The following WHAMM variants were observed in gnomAD, a reference collection of about 807,000 sequenced individuals.
WHAMM encodes the protein WASP homolog-associated protein with actin, membranes and microtubules.
A neutral mutation model predicts 76.5 loss-of-function variants in WHAMM; 67 were observed. The observed-to-expected ratio is 0.88, with a 90% CI of 0.72 to 1.07. WHAMM has a LOEUF of 1.07. Among genes scored for constraint, WHAMM ranks in the 50% least tolerant of loss-of-function variants. The probability of loss-of-function intolerance (pLI) is 0.00; values close to 1 mark genes in which losing one functional copy is unlikely to be tolerated. For missense variants in WHAMM, 1,021 were observed against 1,051.1 expected (o/e 0.97, Z 0.40); for synonymous variants, 419 against 422.1 (o/e 0.99, Z 0.09).
In WHAMM at chr15:82,833,773, T is replaced by G. The variant is rs2051080897; in HGVS notation, c.*237T>G. The G allele has an allele frequency of 2.0e-6, 1 of 499,358 alleles. No homozygotes were observed. The highest frequency in any genetic ancestry group is 3.4e-5 in the Admixed American group (1 of 29,064). 30.9% of individuals were successfully genotyped at this position (499,358 alleles called of 1,614,324 possible). On this transcript the variant is annotated 3_prime_UTR_variant, in exon 10 of 10. Transcript: ENST00000286760. ...GGCGCCATCTCGGCTCACCGCAAGC[T>G]CCGCTTCCCAGGCTGGGGTGCAGTG...
At chr15:82,823,742 A>G (rs1369589343) in intron 6 of WHAMM, among the ~76,000 whole-genome samples, 2 of 151,964 alleles carry the variant, frequency 1.3e-5, no homozygotes, top group African/African-American at 2.4e-5. Context: ...ATTTTTGTAT[A>G]TTTTGTAGAG....
At position 82,834,083 on chromosome 15, in the gene WHAMM, G is replaced by A. The variant is rs1450708746; in HGVS notation, c.*547G>A. ...GAGACAGAATCTCTCTGTCATCCAG[G>A]CTAGAGTGCAGTGGCACGATCTTGG... On this transcript the variant is annotated 3_prime_UTR_variant, in exon 10 of 10. Transcript: ENST00000286760. 6.5e-6 allele frequency: 1 copy of A among 153,614 alleles called. No homozygotes were observed. The highest frequency in any genetic ancestry group is 2.4e-5 in the African/African-American group (1 of 41,052). 9.5% of individuals were successfully genotyped at this position (153,614 alleles called of 1,614,324 possible). A position where few individuals can be genotyped will look rare whatever the true frequency, so the allele number is the denominator to read the frequency against.
chr15:82,810,191 G>C lies in WHAMM; in HGVS notation c.465G>C (p.Ala155=). ...LCGQLERYLG[A]AADGCGGATV... ...GGCAGCTGGAACGCTATCTGGGCGC[G>C]GCGGCCGACGGCTGCGGCGGCGCCA... Residue 155 remains alanine (A), a synonymous_variant, in exon 1 of 10, where the codon GCG becomes GCC. Transcript: ENST00000286760. 5.0e-6 allele frequency: 7 copies of C among 1,404,556 alleles called. No homozygotes were observed. The highest frequency in any genetic ancestry group is 2.6e-5 in the Admixed American group (1 of 38,258). 87.0% of individuals were successfully genotyped at this position (1,404,556 alleles called of 1,614,324 possible).
At chr15:82,810,571 G>T (rs1361806833) in intron 1 of WHAMM, 1 of 985,350 alleles carries the variant, frequency 1.0e-6, no homozygotes, top group Non-Finnish European at 1.2e-6. Flanking sequence ...TGTACTTGCA[G>T]CTGGGAGCTG....
chr15:82,809,635 A>G lies in WHAMM; in HGVS notation c.-92A>G, dbSNP rs981557503. 2.6e-6 allele frequency: 3 copies of G among 1,144,732 alleles called. No individual in the cohort carries two copies. The Admixed American group carries it at 1.1e-4, about 44-fold the overall frequency. The allele number at this position is 1,144,732 out of a possible 1,614,324, so 70.9% of individuals were successfully genotyped here. On this transcript the variant is annotated 5_prime_UTR_variant, in exon 1 of 10. Transcript: ENST00000286760. ...ACTGACGCGGTTTCGATTCTAGCGAAAAATGATTTGGCTCGGACTGTCCCG... is the reference window on the plus strand; with the variant it reads ...ACTGACGCGGTTTCGATTCTAGCGAGAAATGATTTGGCTCGGACTGTCCCG...
In WHAMM at chr15:82,809,963, C is replaced by T. The variant is rs761363096; in HGVS notation, c.237C>T (p.Ala79=). Residue 79 remains alanine, a synonymous_variant, in exon 1 of 10, where the codon GCC becomes GCT. Coordinates refer to ENST00000286760, the MANE Select transcript of WHAMM (RefSeq NM_001080435.3). The part of the protein sequence containing the change: ...PEAAVSPSSW[A]GLLSAAGLRG... ...CCGCCGTCTCCCCGTCCAGCTGGGC[C>T]GGCCTGCTCTCGGCCGCGGGGCTCC... 3.0e-6 allele frequency: 4 copies of T among 1,350,490 alleles called. 1 individual carries two copies. In the Admixed American group the frequency reaches 9.9e-5, roughly 33 times the overall value. 83.7% of individuals were successfully genotyped at this position (1,350,490 alleles called of 1,614,324 possible).
intron 9 of WHAMM, among the ~76,000 whole-genome samples, chr15:82,831,558 AGACT>A (rs1452788176): frequency 5.9e-5 from 9 of 152,226 alleles, no homozygotes; most frequent in Non-Finnish European, 1.3e-4. Flanking sequence ...CTGTTCTTGC[AGACT>A]GACTAGCACA....
chr15:82,820,942 C>T (rs1434846397), intron 5 of WHAMM, among the ~76,000 whole-genome samples: 6 of 150,732 alleles, frequency 4.0e-5, no homozygotes, highest in African/African-American at 1.5e-4. Flanking sequence ...CTCCCATCAG[C>T]AGAATATGAG....
chr15:82,827,600 A>G (rs1211955440), intron 8 of WHAMM, among the ~76,000 whole-genome samples: 3 of 152,236 alleles, frequency 2.0e-5, no homozygotes, highest in Non-Finnish European at 4.4e-5. Context: ...GGTAATTAGC[A>G]TATCCATCAC....
chr15:82,826,913 G>A, intron 8 of WHAMM, 67 bp downstream of exon 8: 1 of 1,470,362 alleles, frequency 6.8e-7, no homozygotes, highest in East Asian at 2.5e-5. Flanking sequence ...CCCTAAAAAA[G>A]ATGAAAGTAT....
At chr15:82,819,544 G>A (rs1351279619) in intron 5 of WHAMM, 56 bp downstream of exon 5, 1 of 919,432 alleles carries the variant, frequency 1.1e-6, no homozygotes, top group African/African-American at 1.8e-5. Context: ...AGGAAATACA[G>A]ACCATATTAT....
intron 5 of WHAMM, among the ~76,000 whole-genome samples, chr15:82,822,194 C>T (rs1169981780): frequency 2.0e-5 from 3 of 152,240 alleles, no homozygotes; most frequent in Middle Eastern, 3.4e-3. Context: ...TTATATATGA[C>T]TAAGACATCT....
chr15:82,820,819 T>C (rs1360243349), intron 5 of WHAMM, among the ~76,000 whole-genome samples: 1 of 146,250 alleles, frequency 6.8e-6, no homozygotes, highest in African/African-American at 2.6e-5. Flanking sequence ...CGCTTGAACC[T>C]GGGAGGTGGA....
intron 1 of WHAMM, among the ~76,000 whole-genome samples, chr15:82,811,257 T>C (rs2050623496): frequency 6.6e-6 from 1 of 152,216 alleles, no homozygotes; most frequent in Admixed American, 6.5e-5. Flanking sequence ...TGATTTCACT[T>C]TAGAATATGA....
intron 8 of WHAMM, among the ~76,000 whole-genome samples, chr15:82,829,388 T>G (rs11857742): frequency 2.0e-5 from 3 of 152,196 alleles, no homozygotes; most frequent in Admixed American, 6.5e-5. Context: ...CATCCTTGGG[T>G]GGTTCAGGGA....
At position 82,823,080 on chromosome 15, in the gene WHAMM, A is replaced by G. The variant is rs1245730872; in HGVS notation, c.1271-20A>G. The G allele has an allele frequency of 7.8e-7, 1 of 1,289,104 alleles. No individual in the cohort carries two copies. Among genetic ancestry groups the G allele is most frequent in the Non-Finnish European group, 9.9e-7 (1 of 1,005,856 alleles). 79.9% of individuals were successfully genotyped at this position (1,289,104 alleles called of 1,614,324 possible). On this transcript the variant is annotated intron_variant, in intron 5 of 9. Coordinates refer to ENST00000286760, the MANE Select transcript of WHAMM (RefSeq NM_001080435.3). ...TAAAATAATAAAATATGTTTTAAAC[A>G]ATCATTAATACATTTTTAGAAAAAC...
chr15:82,826,322 C>T, intron 6 of WHAMM, 88 bp from the exon 7 acceptor site: 1 of 1,398,446 alleles, frequency 7.2e-7, no homozygotes. Context: ...ACACTATAGC[C>T]CAAATGCAGT....
At chr15:82,821,744 C>T (rs1055155204) in intron 5 of WHAMM, among the ~76,000 whole-genome samples, 5 of 152,148 alleles carry the variant, frequency 3.3e-5, no homozygotes, top group East Asian at 3.8e-4. Context: ...AACAAAAACT[C>T]GTTGGAATTT....
At chr15:82,812,455 C>G (rs1043042129) in intron 1 of WHAMM, among the ~76,000 whole-genome samples, 1 of 152,168 alleles carries the variant, frequency 6.6e-6, no homozygotes. Context: ...GTCTCGATCT[C>G]CTGACCTCGT....
Sources: gnomAD v4.1 joint callset for allele counts (sites outside exome capture counted in the v4.1 genomes callset) on GRCh38, gnomAD v4.1.1 for gene constraint, MANE v1.5 for transcripts, NCBI Gene and HGNC (gene_info 2026-07-23, HGNC 2026-07-21) for gene names.